PLXNA4: variants seen among roughly 807,000 people sequenced by gnomAD.
The protein encoded by PLXNA4 is plexin-A4.
A neutral mutation model predicts 191.8 loss-of-function variants in PLXNA4; 44 were observed. That is an observed-to-expected ratio of 0.23 (90% CI 0.18 to 0.29). The LOEUF is 0.29. Ranked by LOEUF, PLXNA4 falls within the 10% of genes least tolerant of loss-of-function variation. The pLI is 1.00. For synonymous variants in PLXNA4, 1,082 were observed against 1,009.5 expected (o/e 1.07, Z -1.36); for missense variants, 1,800 against 2,488.8 (o/e 0.72, Z 5.89).
intron 5 of PLXNA4, among the ~76,000 whole-genome samples, chr7:132,229,878 C>A (rs1203652206): frequency 6.6e-6 from 1 of 152,012 alleles, no homozygotes. Flanking sequence ...TTAGGGAAAG[C>A]TATGGGGGTT....
chr7:132,135,801 T>C (rs1645628542), intron 30 of PLXNA4, among the ~76,000 whole-genome samples: 2 of 152,112 alleles, frequency 1.3e-5, no homozygotes, highest in African/African-American at 4.8e-5. Context: ...CACATCATCC[T>C]CTCTCTCAGG....
At chr7:132,161,033 C>G (rs992801285) in intron 24 of PLXNA4, among the ~76,000 whole-genome samples, 8 of 152,216 alleles carry the variant, frequency 5.3e-5, no homozygotes, top group African/African-American at 9.6e-5. Flanking sequence ...ATGTGTGCCT[C>G]CTCCCAGCTC....
At chr7:132,367,959 G>C (rs138258645) in intron 3 of PLXNA4, 8 of 152,304 alleles carry the variant, frequency 5.3e-5, no homozygotes, top group African/African-American at 1.4e-4. Flanking sequence ...AATTCTGCTC[G>C]TCGAAGCCCT....
At chr7:132,569,431 C>A (rs1585366222) in intron 1 of PLXNA4, among the ~76,000 whole-genome samples, 1 of 152,242 alleles carries the variant, frequency 6.6e-6, no homozygotes, top group South Asian at 2.1e-4. Context: ...CAGGCAGGGG[C>A]ACAAGGCCCA....
chr7:132,405,060 GTGTGTGTGTGTA>G (rs1794155558), intron 3 of PLXNA4, among the ~76,000 whole-genome samples: 1 of 54,026 alleles, frequency 1.9e-5, no homozygotes, highest in Admixed American at 2.6e-4. Context: ...CTGAGGGTAT[GTGTGTGTGTGTA>G]TGTGTGTGTG....
In PLXNA4 at chr7:132,262,938, G is replaced by A. The variant is rs189923315; in HGVS notation, c.1504-21772C>T. On this transcript the variant is annotated intron_variant, in intron 4 of 31. Coordinates refer to ENST00000321063, the MANE Select transcript of PLXNA4 (RefSeq NM_020911.2). ...CCAAGGTTTGGATGGAGCTGGGGGC[G>A]GGAAGCCACAAATAGTGGGTGGCTC... Among the ~76,000 whole-genome samples, 8 of 152,224 alleles carry A rather than the reference G, an allele frequency of 5.3e-5. No homozygotes were observed. In the East Asian group the frequency reaches 9.7e-4, roughly 18 times the overall value.
At chr7:132,563,435 C>T (rs1416608958) in intron 1 of PLXNA4, among the ~76,000 whole-genome samples, 2 of 103,008 alleles carry the variant, frequency 1.9e-5, no homozygotes, top group East Asian at 3.4e-4. Context: ...TCTCCTTCCT[C>T]CTCCTCTTCC....
intron 4 of PLXNA4, among the ~76,000 whole-genome samples, chr7:132,262,676 G>T (rs935833264): frequency 5.3e-5 from 8 of 152,124 alleles, no homozygotes; most frequent in Admixed American, 1.3e-4. Flanking sequence ...TTGTTGTTAG[G>T]CTTATTCCTT....
chr7:132,262,987 G>A (rs182489212), intron 4 of PLXNA4, among the ~76,000 whole-genome samples: 62 of 152,290 alleles, frequency 4.1e-4, no homozygotes, highest in African/African-American at 1.5e-3. Context: ...CCTCTTACTA[G>A]GGGGGTTGAA....
In PLXNA4 at chr7:132,563,965, TTTCTCCTCCTCCTCC is replaced by T. The variant is rs1464793927; in HGVS notation, c.-87+12442_-87+12456del. Among the ~76,000 whole-genome samples, 18 of 69,236 alleles carry T rather than the reference TTTCTCCTCCTCCTCC, an allele frequency of 2.6e-4. No individual in the cohort carries two copies. The East Asian group carries it at 3.6e-3, about 14-fold the overall frequency. The allele number at this position is 69,236 out of a possible 152,430, so 45.4% of individuals were successfully genotyped here. Reference sequence around the variant, plus strand: ...CTCCTCCTCCTTTTCCTCCCCATTCTTTCTCCTCCTCCTCCTTCTCCTCCTCCTCCTTCTCCTCCT... The same window carrying T: ...CTCCTCCTCCTTTTCCTCCCCATTCTTTCTCCTCCTCCTCCTTCTCCTCCT... On this transcript the variant is annotated intron_variant, in intron 1 of 31. Transcript: ENST00000321063.
chr7:132,630,312 A>G (rs1002377980), intron 2 of PLXNA4, among the ~76,000 whole-genome samples: 11 of 152,228 alleles, frequency 7.2e-5, no homozygotes, highest in Non-Finnish European at 1.6e-4. Context: ...TTCAATTTCC[A>G]TAGCACACAA....
At chr7:132,256,988 G>A (rs1343309852) in intron 4 of PLXNA4, among the ~76,000 whole-genome samples, 1 of 152,226 alleles carries the variant, frequency 6.6e-6, no homozygotes, top group African/African-American at 2.4e-5. Flanking sequence ...ATTCTGGTGA[G>A]GTAGCCAGCT....
At chr7:132,577,923 G>C (rs941557822), upstream of PLXNA4, among the ~76,000 whole-genome samples, 38 of 152,164 alleles carry the variant, frequency 2.5e-4, no homozygotes, top group African/African-American at 8.4e-4. Flanking sequence ...GCCCGCACGA[G>C]AGAACATGAG....
intron 3 of PLXNA4, among the ~76,000 whole-genome samples, chr7:132,370,596 C>A (rs1804396435): frequency 1.3e-5 from 2 of 152,154 alleles, no homozygotes; most frequent in Non-Finnish European, 2.9e-5. Context: ...TTTAGCGGTG[C>A]CAGCTATCCT....
intron 2 of PLXNA4, among the ~76,000 whole-genome samples, chr7:132,491,302 A>G (rs1047626502): frequency 4.6e-5 from 7 of 152,264 alleles, no homozygotes; most frequent in African/African-American, 1.7e-4. Context: ...TCTGGAGAAC[A>G]GCAGGCAGGC....
At chr7:132,167,942 A>C (rs1796168723) in intron 22 of PLXNA4, among the ~76,000 whole-genome samples, 1 of 152,154 alleles carries the variant, frequency 6.6e-6, no homozygotes, top group Non-Finnish European at 1.5e-5. Context: ...CTCCTAGTCC[A>C]ACTTTGGACT....
chr7:132,337,224 T>C (rs1419410956), intron 3 of PLXNA4, among the ~76,000 whole-genome samples: 2 of 152,230 alleles, frequency 1.3e-5, no homozygotes, highest in East Asian at 3.9e-4. Context: ...CAAAATAGAA[T>C]GGACACTTGC....
At chr7:132,483,219 C>A (rs533396818) in intron 3 of PLXNA4, among the ~76,000 whole-genome samples, 2 of 152,266 alleles carry the variant, frequency 1.3e-5, no homozygotes, top group Admixed American at 6.5e-5. Context: ...CTGAGGAAAT[C>A]ATAGCAATTG....
intron 2 of PLXNA4, among the ~76,000 whole-genome samples, chr7:132,494,839 C>T (rs1365647521): frequency 2.6e-5 from 4 of 152,190 alleles, no homozygotes; most frequent in Non-Finnish European, 5.9e-5. Flanking sequence ...CGGTTTCCTT[C>T]CTCCAGCAGT....
Sources: allele counts gnomAD v4.1 joint callset (sites outside exome capture counted in the v4.1 genomes callset), GRCh38; gene constraint gnomAD v4.1.1; transcripts MANE v1.5; gene names NCBI Gene and HGNC (gene_info 2026-07-23, HGNC 2026-07-21).